Variants in RBKS observed in about 807,000 individuals in gnomAD.
RBKS encodes ribokinase.
A neutral mutation model predicts 33.9 loss-of-function variants in RBKS; 33 were observed. The observed-to-expected ratio is 0.97, with a 90% CI of 0.74 to 1.30. RBKS has a LOEUF of 1.30. Ranked by LOEUF, RBKS falls within the 50% of genes most tolerant of loss-of-function variation. The pLI is 0.00. For synonymous variants in RBKS, 125 were observed against 143.0 expected (o/e 0.87, Z 0.90); for missense variants, 361 against 392.6 (o/e 0.92, Z 0.68).
chr2:27,882,380 C>T (rs895923843), intron 1 of RBKS, among the ~76,000 whole-genome samples: 3 of 152,134 alleles, frequency 2.0e-5, no homozygotes, highest in Admixed American at 2.0e-4. Context: ...CAATGAGATA[C>T]CATCTCATAC....
intron 1 of RBKS, among the ~76,000 whole-genome samples, chr2:27,878,770 T>C (rs1664366266): frequency 6.6e-6 from 1 of 152,228 alleles, no homozygotes. Flanking sequence ...TTTGCATTTC[T>C]CTGATGGCCA....
chr2:27,823,377 T>C (rs1007045636), intron 7 of RBKS, among the ~76,000 whole-genome samples: 16 of 152,216 alleles, frequency 1.1e-4, no homozygotes, highest in African/African-American at 3.9e-4. Flanking sequence ...AATGGCTTCT[T>C]CTAGGCAGGC....
At chr2:27,858,829 A>T (rs758374740) in intron 1 of RBKS, among the ~76,000 whole-genome samples, 2 of 152,204 alleles carry the variant, frequency 1.3e-5, no homozygotes, top group Non-Finnish European at 2.9e-5. Flanking sequence ...GTACTGCATC[A>T]GGGTTATTCA....
intron 7 of RBKS, among the ~76,000 whole-genome samples, chr2:27,804,983 C>G (rs1217052130): frequency 5.3e-5 from 8 of 151,536 alleles, no homozygotes; most frequent in Non-Finnish European, 7.4e-5. Context: ...GCTGTGCACT[C>G]TAGCCTGGGT....
chr2:27,789,195 A>G (rs530791573), intron 7 of RBKS, among the ~76,000 whole-genome samples: 29 of 152,278 alleles, frequency 1.9e-4, no homozygotes, highest in Middle Eastern at 6.8e-3. Context: ...ATTTCCAACA[A>G]AGGTATAGGT....
chr2:27,825,782 A>G (rs150485022), intron 7 of RBKS, among the ~76,000 whole-genome samples: 67 of 152,334 alleles, frequency 4.4e-4, no homozygotes, highest in South Asian at 1.4e-3. Context: ...TGTGCACCAA[A>G]TAAATCCTTT....
At chr2:27,868,655 T>C (rs1294562958) in intron 1 of RBKS, among the ~76,000 whole-genome samples, 1 of 152,226 alleles carries the variant, frequency 6.6e-6, no homozygotes, top group Non-Finnish European at 1.5e-5. Context: ...GTTTTGAGTG[T>C]GTCACTAGGT....
intron 2 of RBKS, among the ~76,000 whole-genome samples, chr2:27,849,559 C>CAAAAAAAAAAAAAAAAAAAAAAAAAAAA (rs70953894): frequency 4.6e-3 from 132 of 28,540 alleles, no homozygotes; most frequent in Non-Finnish European, 6.6e-3. Flanking sequence ...GACTCTGTCT[C>CAAAAAAAAAAAAAAAAAAAAAAAAAAAA]AAAAAAAAAA....
intron 7 of RBKS, among the ~76,000 whole-genome samples, chr2:27,786,297 A>G (rs914811865): frequency 5.3e-5 from 8 of 152,134 alleles, no homozygotes; most frequent in African/African-American, 1.9e-4. Context: ...ATATTTTTCC[A>G]AAAAAGTTTC....
At chr2:27,862,779 T>C (rs564310760) in intron 1 of RBKS, among the ~76,000 whole-genome samples, 2 of 152,342 alleles carry the variant, frequency 1.3e-5, no homozygotes, top group East Asian at 3.9e-4. Flanking sequence ...ATGGCGGATT[T>C]AATTTTTTAT....
chr2:27,813,573 T>A (rs1678032484), intron 7 of RBKS, among the ~76,000 whole-genome samples: 1 of 151,752 alleles, frequency 6.6e-6, no homozygotes, highest in Non-Finnish European at 1.5e-5. Context: ...AATATAGTAC[T>A]GAGAGTCCAG....
chr2:27,809,795 C>A, intron 7 of RBKS: 1 of 465,982 alleles, frequency 2.1e-6, no homozygotes, highest in Non-Finnish European at 3.5e-6. Context: ...TAATACAGAG[C>A]TACCAGATTA....
intron 7 of RBKS, among the ~76,000 whole-genome samples, chr2:27,804,076 GA>G: frequency 6.6e-6 from 1 of 152,234 alleles, no homozygotes; most frequent in South Asian, 2.1e-4. Context: ...TATTTCAAAT[GA>G]CCACTTTCAT....
intron 4 of RBKS, among the ~76,000 whole-genome samples, chr2:27,846,416 A>G (rs556205160): frequency 4.3e-4 from 66 of 152,214 alleles, no homozygotes; most frequent in Admixed American, 2.0e-3. Context: ...TGATCCTCCC[A>G]CTTTAGCCTC....
intron 4 of RBKS, among the ~76,000 whole-genome samples, chr2:27,845,499 T>G (rs1022382730): frequency 5.3e-5 from 8 of 151,754 alleles, no homozygotes; most frequent in African/African-American, 1.7e-4. Context: ...TGTTCATAGA[T>G]AAGAAAGAGA....
intron 7 of RBKS, among the ~76,000 whole-genome samples, chr2:27,818,932 A>G (rs1003313174): frequency 6.6e-6 from 1 of 152,174 alleles, no homozygotes; most frequent in Non-Finnish European, 1.5e-5. Context: ...CAGCTAAACC[A>G]TATGCAAAAA....
At chr2:27,848,953 C>A (rs1402928458) in intron 2 of RBKS, among the ~76,000 whole-genome samples, 1 of 151,928 alleles carries the variant, frequency 6.6e-6, no homozygotes, top group Non-Finnish European at 1.5e-5. Flanking sequence ...TTTACTGAAA[C>A]TACCAGGGAA....
At chr2:27,824,828 T>C (rs1678281148) in intron 7 of RBKS, among the ~76,000 whole-genome samples, 1 of 152,198 alleles carries the variant, frequency 6.6e-6, no homozygotes, top group Non-Finnish European at 1.5e-5. Context: ...AATACACTTA[T>C]ACTGCTTTTA....
intron 1 of RBKS, among the ~76,000 whole-genome samples, chr2:27,878,039 T>A (rs1664347987): frequency 6.6e-6 from 1 of 152,052 alleles, no homozygotes; most frequent in Admixed American, 6.5e-5. Flanking sequence ...TTTTTTTTAA[T>A]TATTATTATA....
Sources: allele counts gnomAD v4.1 joint callset (sites outside exome capture counted in the v4.1 genomes callset), GRCh38; gene constraint gnomAD v4.1.1; transcripts MANE v1.5; gene names NCBI Gene and HGNC (gene_info 2026-07-23, HGNC 2026-07-21).